Variants in SMAD1 observed in about 807,000 individuals in gnomAD.
The protein encoded by SMAD1 is SMAD family member 1.
Under a neutral mutation model 41.6 loss-of-function variants are expected in SMAD1, and 6 were observed. The observed-to-expected ratio is 0.14, with a 90% CI of 0.08 to 0.28. The LOEUF is 0.28. SMAD1 is among the 10% of genes least tolerant of loss of function. The pLI is 1.00. For missense variants in SMAD1, 379 were observed against 582.6 expected, an observed-to-expected ratio of 0.65 and a Z score of 3.60; for synonymous variants, 206 against 203.2, an observed-to-expected ratio of 1.01 and a Z score of -0.12.
intron 4 of SMAD1, chr4:145,545,193 C>T (rs1468485167): frequency 6.6e-6 from 1 of 152,102 alleles, no homozygotes; most frequent in Non-Finnish European, 1.5e-5. Flanking sequence ...TCATTCATTA[C>T]ATATTGTCTA....
chr4:145,536,699 A>C (rs1041082978), intron 2 of SMAD1, among the ~76,000 whole-genome samples: 6 of 152,250 alleles, frequency 3.9e-5, no homozygotes, highest in African/African-American at 1.4e-4. Flanking sequence ...TATTCAAGCA[A>C]AATGGATGCT....
chr4:145,483,382 G>C (rs1198401198), intron 1 of SMAD1, among the ~76,000 whole-genome samples: 1 of 152,114 alleles, frequency 6.6e-6, no homozygotes, highest in African/African-American at 2.4e-5. Flanking sequence ...TGGATAACTT[G>C]CCCACACCTC....
intron 2 of SMAD1, among the ~76,000 whole-genome samples, chr4:145,527,325 G>A (rs1285960662): frequency 6.6e-6 from 1 of 151,306 alleles, no homozygotes; most frequent in Admixed American, 6.6e-5. Flanking sequence ...CCGGGTTCAC[G>A]CCATTCTCCT....
intron 1 of SMAD1, among the ~76,000 whole-genome samples, chr4:145,512,577 ATTC>A (rs1412205940): frequency 2.0e-5 from 3 of 152,086 alleles, no homozygotes; most frequent in South Asian, 2.1e-4. Flanking sequence ...TTTTTATTTC[ATTC>A]TTCTTTATGG....
At chr4:145,494,940 C>G (rs1728983019) in intron 1 of SMAD1, among the ~76,000 whole-genome samples, 1 of 152,258 alleles carries the variant, frequency 6.6e-6, no homozygotes, top group Middle Eastern at 3.4e-3. Context: ...TTTGACATCT[C>G]TCCCTTTTCC....
At chr4:145,520,701 A>C (rs1730692789) in intron 2 of SMAD1, among the ~76,000 whole-genome samples, 1 of 152,180 alleles carries the variant, frequency 6.6e-6, no homozygotes, top group Admixed American at 6.5e-5. Flanking sequence ...GAAGTTGGGG[A>C]GAAGTCTATG....
intron 5 of SMAD1, among the ~76,000 whole-genome samples, chr4:145,550,622 C>A (rs926469538): frequency 6.6e-6 from 1 of 152,162 alleles, no homozygotes; most frequent in Non-Finnish European, 1.5e-5. Context: ...TCCCTTCATC[C>A]ATGCCAGTAT....
intron 4 of SMAD1, chr4:145,545,605 C>G (rs756951605): frequency 6.7e-6 from 1 of 150,242 alleles, no homozygotes; most frequent in Non-Finnish European, 1.5e-5. Flanking sequence ...TGTTTTTTAC[C>G]AAATTCTAAA....
intron 1 of SMAD1, among the ~76,000 whole-genome samples, chr4:145,504,240 C>T (rs918913517): frequency 1.3e-5 from 2 of 152,190 alleles, no homozygotes; most frequent in African/African-American, 4.8e-5. Flanking sequence ...TGGTTAGCTC[C>T]TAACTGGAGT....
At chr4:145,502,262 C>A (rs1190589684) in intron 1 of SMAD1, among the ~76,000 whole-genome samples, 4 of 152,238 alleles carry the variant, frequency 2.6e-5, no homozygotes, top group African/African-American at 9.6e-5. Flanking sequence ...TTATGGGGAG[C>A]TGGACATCTT....
chr4:145,493,203 C>T (rs1300959082), intron 1 of SMAD1, among the ~76,000 whole-genome samples: 1 of 152,166 alleles, frequency 6.6e-6, no homozygotes, highest in Non-Finnish European at 1.5e-5. Context: ...CACTCAAACT[C>T]TTTGAGCTAA....
intron 2 of SMAD1, among the ~76,000 whole-genome samples, chr4:145,539,318 A>C (rs141433233): frequency 1.6e-3 from 249 of 152,320 alleles, no homozygotes; most frequent in African/African-American, 5.7e-3. Flanking sequence ...TTTATTTACT[A>C]TGCTGCTTTT....
At chr4:145,546,593 C>T (rs1441518726) in intron 4 of SMAD1, 110 bp from the exon 5 acceptor site, 1 of 780,442 alleles carries the variant, frequency 1.3e-6, no homozygotes, top group African/African-American at 1.7e-5. Flanking sequence ...ATAGCAATTG[C>T]TTTTCCAGTG....
chr4:145,488,522 T>A (rs547117331), intron 1 of SMAD1, among the ~76,000 whole-genome samples: 46 of 151,516 alleles, frequency 3.0e-4, no homozygotes, highest in African/African-American at 1.1e-3. Flanking sequence ...TGTGGTGTGC[T>A]TATGCAAAGT....
intron 1 of SMAD1, among the ~76,000 whole-genome samples, chr4:145,500,973 T>C (rs1033513692): frequency 1.3e-5 from 2 of 152,216 alleles, no homozygotes; most frequent in Admixed American, 6.5e-5. Context: ...AGTTGTTTTC[T>C]TCAAAGTACA....
intron 2 of SMAD1, among the ~76,000 whole-genome samples, chr4:145,538,326 T>C (rs1324834930): frequency 1.3e-5 from 2 of 152,202 alleles, no homozygotes; most frequent in Admixed American, 6.5e-5. Context: ...TTTATGCTTT[T>C]AATGGTTTGG....
chr4:145,486,978 T>G (rs113919385), intron 1 of SMAD1, among the ~76,000 whole-genome samples: 2,145 of 152,168 alleles, frequency 0.014, 68 homozygotes, highest in African/African-American at 0.049. Context: ...GAGGAAAGAA[T>G]TTTTTGGCCT....
At position 145,490,769 on chromosome 4, in the gene SMAD1, G is replaced by A. The variant is rs62343492; in HGVS notation, c.-177+8731G>A. Reference sequence around the variant, plus strand: ...CATTTCCCTAACAATTCTAGATAAAGGTTTCTAAGAAAAGTATAGAAATTG... The same window carrying A: ...CATTTCCCTAACAATTCTAGATAAAAGTTTCTAAGAAAAGTATAGAAATTG... On this transcript the variant is annotated intron_variant, in intron 1 of 6. Coordinates refer to ENST00000302085, the MANE Select transcript of SMAD1 (RefSeq NM_005900.3). 4.0e-3 allele frequency among the ~76,000 whole-genome samples: 602 copies of A among 152,206 alleles called. 1 individual carries two copies. The highest frequency in any genetic ancestry group is 6.8e-3 in the Middle Eastern group (2 of 294).
At chr4:145,547,389 T>C (rs931830559) in intron 5 of SMAD1, among the ~76,000 whole-genome samples, 1 of 152,116 alleles carries the variant, frequency 6.6e-6, no homozygotes, top group Admixed American at 6.5e-5. Flanking sequence ...GGACACCAAA[T>C]TGAACAACTG....
Sources: allele counts gnomAD v4.1 joint callset (sites outside exome capture counted in the v4.1 genomes callset), GRCh38; gene constraint gnomAD v4.1.1; transcripts MANE v1.5; gene names NCBI Gene and HGNC (gene_info 2026-07-23, HGNC 2026-07-21).